HUNK: variants seen among roughly 807,000 people sequenced by gnomAD.
HUNK encodes the protein hormonally up-regulated Neu-associated kinase, also known as hormonally up-regulated neu tumor-associated kinase.
A neutral mutation model predicts 61.0 loss-of-function variants in HUNK; 21 were observed. That is an observed-to-expected ratio of 0.34 (90% CI 0.24 to 0.50). HUNK has a LOEUF of 0.50. HUNK is among the 20% of genes least tolerant of loss of function. The probability of loss-of-function intolerance (pLI) is 0.98; values close to 1 mark genes in which losing one functional copy is unlikely to be tolerated. For synonymous variants in HUNK, 371 were observed against 386.1 expected (o/e 0.96, Z 0.46); for missense variants, 772 against 945.7 (o/e 0.82, Z 2.41).
intron 7 of HUNK, among the ~76,000 whole-genome samples, chr21:31,981,709 C>T (rs2053098617): frequency 1.3e-5 from 2 of 152,070 alleles, no homozygotes; most frequent in African/African-American, 4.8e-5. Context: ...ATTGATTTTG[C>T]ATTCTGCAAC....
At chr21:31,998,199 G>A (rs576517837) in intron 10 of HUNK, among the ~76,000 whole-genome samples, 26 of 152,318 alleles carry the variant, frequency 1.7e-4, no homozygotes, top group African/African-American at 4.6e-4. Context: ...GATCACAGGC[G>A]TGAGCCACCG....
intron 4 of HUNK, among the ~76,000 whole-genome samples, chr21:31,951,755 T>C (rs1199823270): frequency 6.6e-6 from 1 of 152,070 alleles, no homozygotes; most frequent in Non-Finnish European, 1.5e-5. Flanking sequence ...TAGAACTGGG[T>C]GTTCAGGAGG....
At chr21:31,909,624 A>C (rs1743587150) in intron 1 of HUNK, among the ~76,000 whole-genome samples, 2 of 152,210 alleles carry the variant, frequency 1.3e-5, no homozygotes, top group African/African-American at 4.8e-5. Context: ...CAGGGGTCAG[A>C]GGCAGTTGAG....
intron 8 of HUNK, among the ~76,000 whole-genome samples, chr21:31,987,751 G>A (rs369064801): frequency 1.3e-5 from 2 of 152,166 alleles, no homozygotes; most frequent in East Asian, 1.9e-4. Flanking sequence ...CTTGTCTCCC[G>A]AGGAACCTAG....
chr21:31,892,502 G>A (rs1295513532), intron 1 of HUNK, among the ~76,000 whole-genome samples: 4 of 150,304 alleles, frequency 2.7e-5, no homozygotes, highest in East Asian at 2.0e-4. Context: ...CCCAGGAGGC[G>A]GAGGTTGCAG....
At chr21:31,953,685 T>G (rs962267) in intron 4 of HUNK, among the ~76,000 whole-genome samples, 2 of 152,172 alleles carry the variant, frequency 1.3e-5, no homozygotes, top group South Asian at 4.1e-4. Flanking sequence ...TGTGGCTTAG[T>G]TGATGTGAGC....
intron 5 of HUNK, among the ~76,000 whole-genome samples, chr21:31,967,203 T>C (rs2052973219): frequency 6.6e-6 from 1 of 151,844 alleles, no homozygotes; most frequent in Admixed American, 6.6e-5. Context: ...ATAAAAAAAG[T>C]ATCCAGGTGT....
At chr21:31,997,119 G>T (rs1429770158) in intron 10 of HUNK, among the ~76,000 whole-genome samples, 1 of 152,258 alleles carries the variant, frequency 6.6e-6, no homozygotes, top group Non-Finnish European at 1.5e-5. Flanking sequence ...GCTTGCTCCT[G>T]CAGCTGGGCC....
chr21:31,950,044 C>T (rs556954631), intron 4 of HUNK, among the ~76,000 whole-genome samples: 9 of 152,314 alleles, frequency 5.9e-5, no homozygotes, highest in African/African-American at 1.7e-4. Flanking sequence ...ATTTGACCTA[C>T]GTGGTTTGCC....
intron 1 of HUNK, among the ~76,000 whole-genome samples, chr21:31,878,518 T>A (rs2052282942): frequency 6.6e-6 from 1 of 152,032 alleles, no homozygotes; most frequent in Non-Finnish European, 1.5e-5. Context: ...GTGGATCATT[T>A]GAGGTCAGGA....
chr21:31,873,413 G>A lies in HUNK; in HGVS notation c.-262G>A, dbSNP rs2052229352. ...GGGCGGGATCCTGGTGTCCTGAAAG[G>A]GGCCCGGGCGACCCTAAGAGGAAGA... On this transcript the variant is annotated 5_prime_UTR_variant, in exon 1 of 11. Coordinates refer to ENST00000270112, the MANE Select transcript of HUNK (RefSeq NM_014586.2). This position sits in a 1 kb window ranked among gnomAD's most constrained non-coding sequence, Gnocchi z 6.1. The A allele has an allele frequency of 6.5e-6, 1 of 153,630 alleles. No homozygotes were observed. Among genetic ancestry groups the A allele is most frequent in the Non-Finnish European group, 1.4e-5 (1 of 69,752 alleles). The allele number at this position is 153,630 out of a possible 1,614,324, so 9.5% of individuals were successfully genotyped here.
In HUNK at chr21:32,001,944, G is replaced by A. The variant is rs780014708; in HGVS notation, c.*2760G>A. The A allele has an allele frequency of 1.1e-4, 17 of 152,586 alleles. No homozygotes were observed. The highest frequency in any genetic ancestry group is 2.2e-4 in the Non-Finnish European group (15 of 68,042). The allele number at this position is 152,586 out of a possible 1,614,324, so 9.5% of individuals were successfully genotyped here. A position where few individuals can be genotyped will look rare whatever the true frequency, so the allele number is the denominator to read the frequency against. On this transcript the variant is annotated 3_prime_UTR_variant, in exon 11 of 11. Coordinates refer to ENST00000270112, the MANE Select transcript of HUNK (RefSeq NM_014586.2). ...GGTCATAAGTAAGGACTATATTTAT[G>A]TCACCATTATTAGATATATGTACTT...
intron 4 of HUNK, 24 bp downstream of exon 4, chr21:31,946,195 T>C: frequency 6.2e-7 from 1 of 1,601,782 alleles, no homozygotes; most frequent in Middle Eastern, 1.7e-4. Context: ...CTTCTGAAAG[T>C]CAGTGTTCCT....
At chr21:31,984,041 A>G (rs2053116157) in intron 8 of HUNK, among the ~76,000 whole-genome samples, 1 of 152,208 alleles carries the variant, frequency 6.6e-6, no homozygotes, top group Non-Finnish European at 1.5e-5. Flanking sequence ...TTGATCTCAT[A>G]GAAGTACAGA....
intron 8 of HUNK, among the ~76,000 whole-genome samples, chr21:31,987,770 G>C (rs2053144115): frequency 6.6e-6 from 1 of 152,228 alleles, no homozygotes; most frequent in Non-Finnish European, 1.5e-5. Context: ...AGAAAGTGGA[G>C]TGGGGCTAGT....
chr21:31,984,932 G>A (rs1264075145), intron 8 of HUNK, among the ~76,000 whole-genome samples: 2 of 152,142 alleles, frequency 1.3e-5, no homozygotes, highest in Non-Finnish European at 2.9e-5. Flanking sequence ...CACATGGCTG[G>A]GGAGGCCTCA....
chr21:31,948,127 T>C (rs1174447967), intron 4 of HUNK, among the ~76,000 whole-genome samples: 1 of 151,952 alleles, frequency 6.6e-6, no homozygotes, highest in East Asian at 1.9e-4. Context: ...AGTGGTAGAG[T>C]GGGATTTGAA....
chr21:31,911,551 G>A (rs1568923207), intron 1 of HUNK, among the ~76,000 whole-genome samples: 1 of 152,140 alleles, frequency 6.6e-6, no homozygotes. Flanking sequence ...TCCTCATGAC[G>A]TGGATTCTTT....
intron 1 of HUNK, among the ~76,000 whole-genome samples, chr21:31,891,630 GA>G (rs1432318002): frequency 3.3e-5 from 5 of 152,202 alleles, no homozygotes; most frequent in African/African-American, 9.6e-5. Flanking sequence ...AAATATGTAA[GA>G]AAGCATCTTT....
Sources: gnomAD v4.1 joint callset for allele counts (sites outside exome capture counted in the v4.1 genomes callset) on GRCh38, gnomAD v4.1.1 for gene constraint, Gnocchi (gnomAD v3.1) non-coding constraint, MANE v1.5 for transcripts, NCBI Gene and HGNC (gene_info 2026-07-23, HGNC 2026-07-21) for gene names.